The following LST1 variants were observed in gnomAD, a reference collection of about 807,000 sequenced individuals.
LST1 encodes the protein leukocyte specific transcript 1.
A neutral mutation model predicts 8.5 loss-of-function variants in LST1; 9 were observed. That is an observed-to-expected ratio of 1.06 (90% CI 0.64 to 1.85). LST1 has a LOEUF of 1.85. Among genes scored for constraint, LST1 ranks in the 40% most tolerant of loss-of-function variants. The probability of loss-of-function intolerance (pLI) is 0.00; values close to 1 mark genes in which losing one functional copy is unlikely to be tolerated. For synonymous variants in LST1, 53 were observed against 50.4 expected, an observed-to-expected ratio of 1.05 and a Z score of -0.21; for missense variants, 121 against 117.1, an observed-to-expected ratio of 1.03 and a Z score of -0.16.
Position 31,588,895 on chromosome 6 carries a change from T to C in LST1, c.*219T>C. The C allele has an allele frequency of 1.1e-6, 1 of 891,182 alleles. No individual in the cohort carries two copies. The highest frequency in any genetic ancestry group is 1.7e-6 in the Non-Finnish European group (1 of 592,064). 55.2% of individuals were successfully genotyped at this position (891,182 alleles called of 1,614,324 possible). A position where few individuals can be genotyped will look rare whatever the true frequency, so the allele number is the denominator to read the frequency against. Reference sequence around the variant, plus strand: ...AATTAAAATAAAAAAAACACATGGCTCACCCTTCCACCCACTCTGGGGTCA... The same window carrying C: ...AATTAAAATAAAAAAAACACATGGCCCACCCTTCCACCCACTCTGGGGTCA... On this transcript the variant is annotated 3_prime_UTR_variant, in exon 5 of 5. Transcript: ENST00000438075.
chr6:31,588,396 G>GAGAGAA (rs1772229207), intron 4 of LST1, 122 bp from the exon 5 acceptor site: 1 of 953,098 alleles, frequency 1.0e-6, no homozygotes, highest in Admixed American at 2.5e-5. Context: ...GAGAGAGAGA[G>GAGAGAA]AGAGAGGGAG....
At position 31,587,794 on chromosome 6, in the gene LST1, C is replaced by T. The variant is rs535032514; in HGVS notation, c.112+61C>T. ...TGCCCCCTGTGCCCCCACCCCCACA[C>T]GCTTTCCCACTGCTTTCCCAGAACA... is the stretch of plus-strand genomic sequence containing the variant. On this transcript the variant is annotated intron_variant, in intron 3 of 4. Coordinates refer to ENST00000438075, the MANE Select transcript of LST1 (RefSeq NM_205839.3). 5.4e-4 allele frequency: 806 copies of T among 1,490,266 alleles called. 5 individuals are homozygous for T. The African/African-American group carries it at 9.7e-3, about 18-fold the overall frequency. The allele number at this position is 1,490,266 out of a possible 1,614,324, so 92.3% of individuals were successfully genotyped here.
rs753025306 is a variant in LST1, at chr6:31,587,319, G to A, written c.19+1G>A. 6 of 1,613,306 alleles carry A rather than the reference G, an allele frequency of 3.7e-6. No homozygotes were observed. The highest frequency in any genetic ancestry group is 5.1e-6 in the Non-Finnish European group (6 of 1,179,252). ...GACCTAATGTTATCGCGGAATGATG[G>A]TAAGTAAAGTGTCTCTTGCATCTGC... On this transcript the variant is annotated splice_donor_variant, in intron 2 of 4. Transcript: ENST00000438075. LOFTEE classifies it high-confidence loss of function.
Position 31,588,822 on chromosome 6 carries a change from T to G in LST1, c.*146T>G. On this transcript the variant is annotated 3_prime_UTR_variant, in exon 5 of 5. Transcript: ENST00000438075. ...GTTCAAATTGATCATCATCAAAACT[T>G]ATGTGGCTTTTTGACCTTTGAATAG... The G allele has an allele frequency of 2.0e-6, 2 of 994,652 alleles. No homozygotes were observed. The highest frequency in any genetic ancestry group is 2.3e-5 in the Admixed American group (1 of 43,924). 61.6% of individuals were successfully genotyped at this position (994,652 alleles called of 1,614,324 possible).
intron 2 of LST1, 81 bp downstream of exon 2, chr6:31,587,399 T>C: frequency 6.6e-7 from 1 of 1,513,316 alleles, no homozygotes; most frequent in South Asian, 1.1e-5. Flanking sequence ...TGTATGCAGC[T>C]CATGACTAGG....
In LST1 at chr6:31,587,234, C is replaced by A; in HGVS notation, c.-66C>A. The A allele has an allele frequency of 9.4e-7, 1 of 1,062,068 alleles. No homozygotes were observed. Among genetic ancestry groups the A allele is most frequent in the Non-Finnish European group, 1.5e-6 (1 of 679,742 alleles). 65.8% of individuals were successfully genotyped at this position (1,062,068 alleles called of 1,614,324 possible). A position where few individuals can be genotyped will look rare whatever the true frequency, so the allele number is the denominator to read the frequency against. Reference sequence around the variant, plus strand: ...TTGAGGCAAGTCACCAGCCCCTGATCATTTCGCCTAAAAGAGCAAGGACTA... The same window carrying A: ...TTGAGGCAAGTCACCAGCCCCTGATAATTTCGCCTAAAAGAGCAAGGACTA... On this transcript the variant is annotated 5_prime_UTR_variant, in exon 2 of 5. Coordinates refer to ENST00000438075, the MANE Select transcript of LST1 (RefSeq NM_205839.3).
chr6:31,587,757 C>T, intron 3 of LST1, 24 bp downstream of exon 3: 4 of 1,544,128 alleles, frequency 2.6e-6, no homozygotes, highest in Non-Finnish European at 3.5e-6. Flanking sequence ...TCCCTCCCTC[C>T]CCCTGCAGCA....
chr6:31,588,834 T>G lies in LST1; in HGVS notation c.*158T>G, dbSNP rs937241835. On this transcript the variant is annotated 3_prime_UTR_variant, in exon 5 of 5. Coordinates refer to ENST00000438075, the MANE Select transcript of LST1 (RefSeq NM_205839.3). ...CATCATCAAAACTTATGTGGCTTTT[T>G]GACCTTTGAATAGGGAATTTTTTAA... 2 of 953,692 alleles carry G rather than the reference T, an allele frequency of 2.1e-6. No homozygotes were observed. Among genetic ancestry groups the G allele is most frequent in the African/African-American group, 3.3e-5 (2 of 60,134 alleles). The allele number at this position is 953,692 out of a possible 1,614,324, so 59.1% of individuals were successfully genotyped here.
Position 31,587,709 on chromosome 6 carries a change from T to G in LST1, c.88T>G (p.Cys30Gly). ...LLLAVVLLSACLCWLHRRVKR... is the reference protein window; with the variant it reads ...LLLAVVLLSAGLCWLHRRVKR... Reference sequence around the variant, plus strand: ...TCTGGCAGTGGTCCTTCTGTCCGCCTGCCTGTGTTGGCTGCATCGAAGAGG... The same window carrying G: ...TCTGGCAGTGGTCCTTCTGTCCGCCGGCCTGTGTTGGCTGCATCGAAGAGG... Residue 30 changes from cysteine to glycine, a missense_variant, in exon 3 of 5, where the codon TGC (cysteine) becomes GGC (glycine). Transcript: ENST00000438075. 6.2e-7 allele frequency: 1 copy of G among 1,602,870 alleles called. No homozygotes were observed. Among genetic ancestry groups the G allele is most frequent in the Non-Finnish European group, 8.5e-7 (1 of 1,175,500 alleles).
chr6:31,587,863 C>G (rs1772120865), intron 3 of LST1, 81 bp from the exon 4 acceptor site: 5 of 1,565,648 alleles, frequency 3.2e-6, no homozygotes, highest in Non-Finnish European at 4.3e-6. Context: ...GGGGAGTCCA[C>G]GCCTGCTGGT....
intron 1 of LST1, 43 bp from the exon 2 acceptor site, chr6:31,587,157 C>A: frequency 1.4e-6 from 1 of 692,556 alleles, no homozygotes; most frequent in South Asian, 1.6e-5. Flanking sequence ...GGGAGGCTCC[C>A]CAGCCTGGGA....
In LST1 at chr6:31,587,701, T is replaced by C. The variant is rs1164997892; in HGVS notation, c.80T>C (p.Leu27Pro). Residue 27 changes from leucine (L) to proline (P), a missense_variant, in exon 3 of 5, where the codon CTG (leucine) becomes CCG (proline). Transcript: ENST00000438075. ...CTCCTGCTTCTGGCAGTGGTCCTTC[T>C]GTCCGCCTGCCTGTGTTGGCTGCAT... ...GGLLLLAVVL[L>P]SACLCWLHRR... 4.4e-6 allele frequency: 7 copies of C among 1,595,298 alleles called. No homozygotes were observed. The Admixed American group carries it at 5.2e-5, about 12-fold the overall frequency.
At chr6:31,587,353 A>C in intron 2 of LST1, 35 bp downstream of exon 2, 5 of 1,611,222 alleles carry the variant, frequency 3.1e-6, no homozygotes, top group Non-Finnish European at 4.2e-6. Context: ...GCATAGAGAG[A>C]GTCCTGGGAG....
intron 4 of LST1, 21 bp downstream of exon 4, chr6:31,587,987 G>A (rs780467749): frequency 6.2e-7 from 1 of 1,602,602 alleles, no homozygotes; most frequent in South Asian, 1.1e-5. Context: ...GGACAGGGAA[G>A]GGGGAGGGCA....
rs756676676 is a variant in LST1 at position 31,587,986 on chromosome 6, A to C, written c.135+20A>C. 3 of 1,603,418 alleles carry C rather than the reference A, an allele frequency of 1.9e-6. No individual in the cohort carries two copies. The highest frequency in any genetic ancestry group is 2.6e-6 in the Non-Finnish European group (3 of 1,175,116). Reference sequence around the variant, plus strand: ...AGCTGGGTGAGTCTGGGGACAGGGAAGGGGGAGGGCAAGAGAGATCCTGAG... The same window carrying C: ...AGCTGGGTGAGTCTGGGGACAGGGACGGGGGAGGGCAAGAGAGATCCTGAG... On this transcript the variant is annotated intron_variant, in intron 4 of 4. Transcript: ENST00000438075.
intron 1 of LST1, chr6:31,586,682 A>T (rs1771957973): frequency 6.6e-6 from 1 of 152,588 alleles, no homozygotes; most frequent in African/African-American, 2.4e-5. Context: ...GGGGCCCCAG[A>T]TACTCCTCCA....
At chr6:31,588,225 AGAG>A (rs1772178742) in intron 4 of LST1, 1 of 177,544 alleles carries the variant, frequency 5.6e-6, no homozygotes, top group South Asian at 1.0e-4. Flanking sequence ...GAGCAATGAA[AGAG>A]AGAGAGAGAG....
chr6:31,587,114 A>C, intron 1 of LST1, 86 bp from the exon 2 acceptor site: 2 of 635,120 alleles, frequency 3.1e-6, no homozygotes, highest in Non-Finnish European at 5.7e-6. Flanking sequence ...GCAGTGAGGA[A>C]TGGAAAGTGC....
In LST1 at chr6:31,587,204, G is replaced by A; in HGVS notation, c.-96G>A. 1 of 821,256 alleles carries A rather than the reference G, an allele frequency of 1.2e-6. No individual in the cohort carries two copies. The highest frequency in any genetic ancestry group is 1.4e-5 in the South Asian group (1 of 71,572). The allele number at this position is 821,256 out of a possible 1,614,324, so 50.9% of individuals were successfully genotyped here. A position where few individuals can be genotyped will look rare whatever the true frequency, so the allele number is the denominator to read the frequency against. Reference sequence around the variant, plus strand: ...AGAGGGCCCCTCACTTCACAGATGAGGAACTTGAGGCAAGTCACCAGCCCC... The same window carrying A: ...AGAGGGCCCCTCACTTCACAGATGAAGAACTTGAGGCAAGTCACCAGCCCC... On this transcript the variant is annotated 5_prime_UTR_variant, in exon 2 of 5. Coordinates refer to ENST00000438075, the MANE Select transcript of LST1 (RefSeq NM_205839.3).
Sources: allele counts gnomAD v4.1 joint callset, GRCh38; gene constraint gnomAD v4.1.1; transcripts MANE v1.5; gene names NCBI Gene and HGNC (gene_info 2026-07-23, HGNC 2026-07-21).